MDGA2: variants seen among roughly 807,000 people sequenced by gnomAD.
MDGA2 encodes MAM domain-containing glycosylphosphatidylinositol anchor protein 2.
A neutral mutation model predicts 117.8 loss-of-function variants in MDGA2; 40 were observed. That is an observed-to-expected ratio of 0.34 (90% confidence interval 0.26 to 0.44). MDGA2 has a LOEUF of 0.44. MDGA2 is among the 20% of genes least tolerant of loss of function. MDGA2 has a pLI of 1.00. For missense variants in MDGA2, 1,123 were observed against 1,250.6 expected (o/e 0.90, Z 1.54); for synonymous variants, 452 against 439.0 (o/e 1.03, Z -0.37).
chr14:47,292,967 T>G (rs1168393332), intron 2 of MDGA2, among the ~76,000 whole-genome samples: 1 of 152,164 alleles, frequency 6.6e-6, no homozygotes, highest in African/African-American at 2.4e-5. Context: ...CTATATTGAG[T>G]CTGTTGGTGA....
At chr14:47,081,702 A>C (rs1002623561) in intron 6 of MDGA2, among the ~76,000 whole-genome samples, 1 of 152,168 alleles carries the variant, frequency 6.6e-6, no homozygotes, top group Admixed American at 6.5e-5. Flanking sequence ...TTATCACCGG[A>C]AAAAGACATA....
intron 1 of MDGA2, among the ~76,000 whole-genome samples, chr14:47,609,423 T>C (rs1326884429): frequency 1.3e-4 from 2 of 15,970 alleles, no homozygotes; most frequent in Non-Finnish European, 3.2e-4. Context: ...TGAGTAGTAT[T>C]CCATCATATA....
At chr14:47,003,437 T>G (rs1251746799) in intron 8 of MDGA2, among the ~76,000 whole-genome samples, 1 of 152,040 alleles carries the variant, frequency 6.6e-6, no homozygotes, top group African/African-American at 2.4e-5. Flanking sequence ...CAGCAGAGCA[T>G]GTTAAGTTCC....
intron 7 of MDGA2, among the ~76,000 whole-genome samples, chr14:47,044,112 T>A (rs1209570098): frequency 6.6e-6 from 1 of 151,998 alleles, no homozygotes; most frequent in African/African-American, 2.4e-5. Flanking sequence ...CTTGATTGAT[T>A]GATAGAGCAC....
chr14:47,131,944 A>C, intron 4 of MDGA2, 98 bp from the exon 5 acceptor site: 4 of 953,012 alleles, frequency 4.2e-6, no homozygotes, highest in South Asian at 2.9e-5. Flanking sequence ...AAATCATATT[A>C]TTATCAGAAT....
In MDGA2 at chr14:47,109,676, A is replaced by G. The variant is rs527289469; in HGVS notation, c.926-12553T>C. Among the ~76,000 whole-genome samples the G allele has an allele frequency of 4.6e-5, 7 of 152,314 alleles. No individual in the cohort carries two copies. In the East Asian group the frequency reaches 1.4e-3, roughly 29 times the overall value. ...TAAAATGATCAAAAGGCCAGGCATG[A>G]TGGCTCACACTTGTAATCCCACAAT... On this transcript the variant is annotated intron_variant, in intron 5 of 16. Coordinates refer to ENST00000399232, the MANE Select transcript of MDGA2 (RefSeq NM_001113498.3).
intron 1 of MDGA2, among the ~76,000 whole-genome samples, chr14:47,394,971 G>A (rs1474097973): frequency 3.3e-5 from 5 of 152,072 alleles, no homozygotes; most frequent in Non-Finnish European, 5.9e-5. Flanking sequence ...GGTCAACATA[G>A]TGAGACCCCC....
In MDGA2 at chr14:47,658,830, C is replaced by A. The variant is rs564053059; in HGVS notation, c.280+15687G>T. On this transcript the variant is annotated intron_variant, in intron 1 of 16. Transcript: ENST00000399232. The stretch of plus-strand genomic sequence containing the variant: ...AAGGACTGGTAGAAAAGAGAGTAAA[C>A]AGAATTCTTTCTCTATTTGGAATAT... 6.6e-4 allele frequency among the ~76,000 whole-genome samples: 101 copies of A among 152,286 alleles called. 2 individuals are homozygous for A. The highest frequency in any genetic ancestry group is 6.8e-3 in the Middle Eastern group (2 of 294).
intron 7 of MDGA2, among the ~76,000 whole-genome samples, chr14:47,050,368 C>A (rs1393512034): frequency 2.0e-5 from 3 of 152,006 alleles, no homozygotes; most frequent in African/African-American, 7.2e-5. Context: ...ATGTAAGAAG[C>A]ATTCCAAACA....
At chr14:47,497,989 A>C (rs1478318964) in intron 1 of MDGA2, among the ~76,000 whole-genome samples, 1 of 152,192 alleles carries the variant, frequency 6.6e-6, no homozygotes, top group African/African-American at 2.4e-5. Flanking sequence ...TCAATGGAAA[A>C]ATACAATGTA....
At chr14:46,923,911 T>C (rs530222864) in intron 9 of MDGA2, among the ~76,000 whole-genome samples, 25 of 152,054 alleles carry the variant, frequency 1.6e-4, no homozygotes, top group Non-Finnish European at 3.2e-4. Flanking sequence ...TAAATATATA[T>C]ATTTTTAATG....
intron 1 of MDGA2, among the ~76,000 whole-genome samples, chr14:47,506,318 C>A (rs972346750): frequency 6.6e-6 from 1 of 152,128 alleles, no homozygotes; most frequent in African/African-American, 2.4e-5. Flanking sequence ...CTAAAAAAAT[C>A]TATTTTTCCT....
At chr14:46,865,435 T>C (rs1035803312) in intron 14 of MDGA2, among the ~76,000 whole-genome samples, 1 of 152,132 alleles carries the variant, frequency 6.6e-6, no homozygotes, top group African/African-American at 2.4e-5. Context: ...GCCAATATCA[T>C]ACTGAATGGG....
intron 1 of MDGA2, among the ~76,000 whole-genome samples, chr14:47,630,498 T>A (rs149081216): frequency 6.6e-6 from 1 of 152,196 alleles, no homozygotes; most frequent in Admixed American, 6.5e-5. Context: ...TGGTTTCATG[T>A]CTGTTTCTTC....
chr14:46,858,985 A>G (rs998396476), intron 14 of MDGA2, among the ~76,000 whole-genome samples: 2 of 152,194 alleles, frequency 1.3e-5, no homozygotes, highest in African/African-American at 4.8e-5. Context: ...CTGAACTTGT[A>G]TAGGCTTGGT....
rs144873255 is a variant in MDGA2, at chr14:47,113,888, T to C, written c.926-16765A>G. ...CTCTCACCAACCCTAATCAACATAG[T>C]ACTGGAAGTTCTGGCCAGGGCAATC... On this transcript the variant is annotated intron_variant, in intron 5 of 16. Coordinates refer to ENST00000399232, the MANE Select transcript of MDGA2 (RefSeq NM_001113498.3). Among the ~76,000 whole-genome samples the C allele has an allele frequency of 3.9e-5, 6 of 152,220 alleles. No homozygotes were observed. The East Asian group carries it at 1.2e-3, about 29-fold the overall frequency.
intron 3 of MDGA2, among the ~76,000 whole-genome samples, chr14:47,155,148 A>G (rs1347487046): frequency 6.6e-6 from 1 of 152,106 alleles, no homozygotes; most frequent in Non-Finnish European, 1.5e-5. Context: ...CCTGCCTGCG[A>G]AAGGAGGTAC....
At chr14:47,119,497 C>T (rs917204853) in intron 5 of MDGA2, among the ~76,000 whole-genome samples, 2 of 152,082 alleles carry the variant, frequency 1.3e-5, no homozygotes, top group Non-Finnish European at 2.9e-5. Flanking sequence ...TATTTCAGTT[C>T]CTTAAAATGT....
At chr14:47,103,392 A>G (rs1364567723) in intron 5 of MDGA2, among the ~76,000 whole-genome samples, 1 of 152,228 alleles carries the variant, frequency 6.6e-6, no homozygotes, top group Non-Finnish European at 1.5e-5. Flanking sequence ...ATAATATATT[A>G]GAAGTTGATG....
Sources: gnomAD v4.1 joint callset for allele counts (sites outside exome capture counted in the v4.1 genomes callset) on GRCh38, gnomAD v4.1.1 for gene constraint, MANE v1.5 for transcripts, NCBI Gene and HGNC (gene_info 2026-07-23, HGNC 2026-07-21) for gene names.